ROBO2: variants seen among roughly 807,000 people sequenced by gnomAD.
ROBO2 encodes roundabout homolog 2.
In ROBO2, 53 loss-of-function variants were observed where a neutral mutation model predicts 160.8. That is an observed-to-expected ratio of 0.33 (90% CI 0.26 to 0.41). The LOEUF is 0.41. ROBO2 is among the 10% of genes least tolerant of loss of function. The pLI, the probability that ROBO2 is intolerant of heterozygous loss-of-function variation, is 1.00. For synonymous variants in ROBO2, 664 were observed against 611.7 expected, an observed-to-expected ratio of 1.09 and a Z score of -1.26; for missense variants, 1,577 against 1,722.4, an observed-to-expected ratio of 0.92 and a Z score of 1.49.
intron 2 of ROBO2, among the ~76,000 whole-genome samples, chr3:76,968,330 AC>A (rs1222605337): frequency 6.6e-6 from 1 of 152,130 alleles, no homozygotes; most frequent in Non-Finnish European, 1.5e-5. Flanking sequence ...ACCATCTACA[AC>A]TTTTTAATTT....
chr3:77,054,419 AGTAATAT>A (rs1347618608), intron 1 of ROBO2, among the ~76,000 whole-genome samples: 1 of 152,198 alleles, frequency 6.6e-6, no homozygotes, highest in African/African-American at 2.4e-5. Flanking sequence ...TAAATTCAAG[AGTAATAT>A]TTTCTGTGGA....
At chr3:77,522,314 A>G (rs1310478528) in intron 5 of ROBO2, among the ~76,000 whole-genome samples, 2 of 151,260 alleles carry the variant, frequency 1.3e-5, no homozygotes, top group Admixed American at 6.6e-5. Flanking sequence ...CATTTTGTCA[A>G]TTTGCCAACA....
At chr3:77,445,473 C>T (rs2080377501) in intron 2 of ROBO2, among the ~76,000 whole-genome samples, 1 of 151,992 alleles carries the variant, frequency 6.6e-6, no homozygotes, top group South Asian at 2.1e-4. Context: ...ATACTCTCAT[C>T]CTTAAATATC....
intron 6 of ROBO2, among the ~76,000 whole-genome samples, chr3:77,525,298 T>G (rs936364062): frequency 6.6e-6 from 1 of 150,816 alleles, no homozygotes; most frequent in Non-Finnish European, 1.5e-5. Flanking sequence ...AAAAAATGTA[T>G]TGTGATGTTT....
At chr3:77,480,544 A>G (rs1214168608) in intron 3 of ROBO2, among the ~76,000 whole-genome samples, 1 of 152,146 alleles carries the variant, frequency 6.6e-6, no homozygotes, top group Non-Finnish European at 1.5e-5. Flanking sequence ...ATTTTCTCCA[A>G]GAATTATCTC....
chr3:76,008,697 C>T (rs1439827171), intron 2 of ROBO2, among the ~76,000 whole-genome samples: 1 of 150,872 alleles, frequency 6.6e-6, no homozygotes, highest in Non-Finnish European at 1.5e-5. Context: ...AGTTAGAATC[C>T]TCTATCTTGT....
At chr3:75,945,925 A>G (rs1406642066) in intron 2 of ROBO2, among the ~76,000 whole-genome samples, 3 of 152,126 alleles carry the variant, frequency 2.0e-5, no homozygotes, top group African/African-American at 4.8e-5. Flanking sequence ...ATGAGTTAAT[A>G]TCTCTAAGTG....
At chr3:76,167,964 C>T (rs760131692) in intron 2 of ROBO2, among the ~76,000 whole-genome samples, 2 of 152,138 alleles carry the variant, frequency 1.3e-5, no homozygotes, top group Non-Finnish European at 2.9e-5. Context: ...CTTGGAAGCG[C>T]TGGTAGTGGC....
intron 2 of ROBO2, among the ~76,000 whole-genome samples, chr3:76,769,712 G>T (rs559379484): frequency 6.6e-4 from 100 of 151,496 alleles, no homozygotes; most frequent in Middle Eastern, 3.4e-3. Context: ...GTCTCTTGCC[G>T]TGTAGTCCAG....
intron 2 of ROBO2, among the ~76,000 whole-genome samples, chr3:77,106,457 A>C (rs1375409908): frequency 6.6e-6 from 1 of 152,142 alleles, no homozygotes; most frequent in Non-Finnish European, 1.5e-5. Flanking sequence ...TCGTGCAGTA[A>C]CTCATATGCT....
At chr3:76,925,174 G>A (rs992421701) in intron 2 of ROBO2, among the ~76,000 whole-genome samples, 2 of 139,246 alleles carry the variant, frequency 1.4e-5, no homozygotes, top group Non-Finnish European at 3.0e-5. Flanking sequence ...TCCCGCCACT[G>A]CACTCCAGCC....
chr3:76,398,330 T>TGGGG (rs753221085), intron 2 of ROBO2, among the ~76,000 whole-genome samples: 1 of 87,674 alleles, frequency 1.1e-5, no homozygotes, highest in African/African-American at 3.9e-5. Context: ...TGTTGTGGGG[T>TGGGG]GGGGGGAGGA....
rs2094810463 is a variant in ROBO2 at position 77,617,659 on chromosome 3, A to T, written c.3440A>T (p.Gln1147Leu). The T allele has an allele frequency of 6.2e-7, 1 of 1,614,030 alleles. No homozygotes were observed. Among genetic ancestry groups the T allele is most frequent in the Non-Finnish European group, 8.5e-7 (1 of 1,180,016 alleles). ...TCTTCTCCTGCTATCTCCTTTGGACAGCAGTCCACTGCAACTCTTACTCCA... is the reference window on the plus strand; with the variant it reads ...TCTTCTCCTGCTATCTCCTTTGGACTGCAGTCCACTGCAACTCTTACTCCA... Residue 1147 changes from glutamine to leucine, a missense_variant, in exon 22 of 26, where the codon CAG becomes CTG. Physicochemically the swap from Gln to Leu is moderately radical, Grantham distance 113. Coordinates refer to ENST00000461745, the Ensembl canonical transcript of ROBO2.
rs143155182 is a variant in ROBO2 at position 76,602,066 on chromosome 3, G to A, written c.110-495948G>A. Among the ~76,000 whole-genome samples the A allele has an allele frequency of 4.6e-3, 694 of 152,214 alleles. 5 individuals are homozygous for A. Among genetic ancestry groups the A allele is most frequent in the African/African-American group, 0.016 (678 of 41,528 alleles). On this transcript the variant is annotated intron_variant, in intron 2 of 26. Coordinates refer to the ROBO2 transcript ENST00000487694. Reference sequence around the variant, plus strand: ...TCTTTGCTAAAACATAACAAGAGTCGCCTTTGCTCCAGTTTCCAGCAGGTT... The same window carrying A: ...TCTTTGCTAAAACATAACAAGAGTCACCTTTGCTCCAGTTTCCAGCAGGTT...
At chr3:76,088,072 G>A (rs1302007363) in intron 2 of ROBO2, among the ~76,000 whole-genome samples, 1 of 152,004 alleles carries the variant, frequency 6.6e-6, no homozygotes, top group East Asian at 1.9e-4. Context: ...AAGCAGAGTA[G>A]CTATATCAAT....
At chr3:76,695,374 G>A (rs929046089) in intron 2 of ROBO2, among the ~76,000 whole-genome samples, 7 of 151,998 alleles carry the variant, frequency 4.6e-5, no homozygotes, top group South Asian at 2.1e-4. Flanking sequence ...TTAGTAGGCC[G>A]TCTTCATAAG....
chr3:77,477,776 A>G (rs1231423042), intron 3 of ROBO2, among the ~76,000 whole-genome samples: 6 of 151,940 alleles, frequency 3.9e-5, no homozygotes, highest in Middle Eastern at 3.5e-3. Flanking sequence ...TGAAATATTA[A>G]TAATTGCACC....
chr3:77,017,533 T>A (rs79165394), intron 2 of ROBO2, among the ~76,000 whole-genome samples: 11,316 of 152,246 alleles, frequency 0.074, 552 homozygotes, highest in Non-Finnish European at 0.099. Context: ...TTGAGATAAT[T>A]TGAGAAAATT....
chr3:76,422,565 G>A (rs1398520238), intron 2 of ROBO2, among the ~76,000 whole-genome samples: 2 of 152,094 alleles, frequency 1.3e-5, no homozygotes, highest in African/African-American at 4.8e-5. Flanking sequence ...AAATTGCATC[G>A]TCTTTTTGGA....
Sources: allele counts gnomAD v4.1 joint callset (sites outside exome capture counted in the v4.1 genomes callset), GRCh38; gene constraint gnomAD v4.1.1; transcripts MANE v1.5; gene names NCBI Gene and HGNC (gene_info 2026-07-23, HGNC 2026-07-21).